The following ZSWIM4 variants were observed in gnomAD, a reference collection of about 807,000 sequenced individuals.
The protein encoded by ZSWIM4 is zinc finger SWIM domain-containing protein 4.
ZSWIM4 carries 62 observed loss-of-function variants against 102.5 expected under a neutral mutation model. That is an observed-to-expected ratio of 0.60 (90% CI 0.49 to 0.75). The LOEUF (loss-of-function observed/expected upper bound fraction) is 0.75. Among genes scored for constraint, ZSWIM4 ranks in the 30% least tolerant of loss-of-function variants. The pLI is 0.00. For synonymous variants in ZSWIM4, 652 were observed against 674.5 expected, an observed-to-expected ratio of 0.97 and a Z score of 0.52; for missense variants, 1,280 against 1,529.6, an observed-to-expected ratio of 0.84 and a Z score of 2.72.
chr19:13,824,063 GGA>G (rs146415972), intron 11 of ZSWIM4, among the ~76,000 whole-genome samples: 2 of 150,582 alleles, frequency 1.3e-5, no homozygotes, highest in Admixed American at 6.7e-5. Flanking sequence ...GAGGAGGCTG[GGA>G]GAGAGAGAGA....
rs1221574952 is a variant in ZSWIM4 at position 13,799,710 on chromosome 19, C to G, written c.154-10C>G. On this transcript the variant is annotated splice_polypyrimidine_tract_variant and intron_variant, in intron 1 of 13. Coordinates refer to ENST00000590508, the MANE Select transcript of ZSWIM4 (RefSeq NM_001367834.3). Reference sequence around the variant, plus strand: ...ACCCCAGGCTCCTAACCCACTGGCCCTTCCTACAGGTGGAGGAGCGGTTCT... The same window carrying G: ...ACCCCAGGCTCCTAACCCACTGGCCGTTCCTACAGGTGGAGGAGCGGTTCT... The G allele has an allele frequency of 1.2e-6, 2 of 1,613,782 alleles. No individual in the cohort carries two copies. The highest frequency in any genetic ancestry group is 8.5e-7 in the Non-Finnish European group (1 of 1,179,846).
Position 13,814,843 on chromosome 19 carries a change from G to A in ZSWIM4, c.1509G>A (p.Glu503=), listed in dbSNP as rs1389228123. The stretch of plus-strand genomic sequence containing the variant: ...GGCTGCAGCAGCGGCATCAGCTAGA[G>A]AGCTACAAGCAGCAGAAAAAAGGTC... ...TLRLQQRHQL[E]SYKQQKKELL... The change falls in exon 7 of 14, where the codon GAG becomes GAA. Residue 503 remains glutamate (E), a synonymous_variant. Coordinates refer to ENST00000590508, the MANE Select transcript of ZSWIM4 (RefSeq NM_001367834.3). The A allele has an allele frequency of 7.9e-7, 1 of 1,260,830 alleles. No individual in the cohort carries two copies. Among genetic ancestry groups the A allele is most frequent in the South Asian group, 1.3e-5 (1 of 79,792 alleles). 78.1% of individuals were successfully genotyped at this position (1,260,830 alleles called of 1,614,324 possible). A position where few individuals can be genotyped will look rare whatever the true frequency, so the allele number is the denominator to read the frequency against.
At chr19:13,807,315 T>G (rs1974944476) in intron 3 of ZSWIM4, among the ~76,000 whole-genome samples, 1 of 149,210 alleles carries the variant, frequency 6.7e-6, no homozygotes, top group African/African-American at 2.5e-5. Flanking sequence ...GTGGATGAAG[T>G]GAAATGGGGG....
At chr19:13,819,116 G>A (rs999484310) in intron 9 of ZSWIM4, among the ~76,000 whole-genome samples, 12 of 151,840 alleles carry the variant, frequency 7.9e-5, no homozygotes, top group South Asian at 2.1e-4. Context: ...CGCCAGCCTC[G>A]GCCTCCCAAA....
intron 7 of ZSWIM4, among the ~76,000 whole-genome samples, chr19:13,816,431 C>T (rs1482761350): frequency 6.6e-6 from 1 of 152,052 alleles, no homozygotes; most frequent in Non-Finnish European, 1.5e-5. Context: ...CAAAACCAGC[C>T]TGGCCAACAT....
chr19:13,799,131 G>T (rs540028264), intron 1 of ZSWIM4, among the ~76,000 whole-genome samples: 1 of 151,770 alleles, frequency 6.6e-6, no homozygotes, highest in African/African-American at 2.4e-5. Flanking sequence ...CCAGGCTGGA[G>T]TGCCGCTGGT....
chr19:13,819,577 C>A, intron 10 of ZSWIM4, 85 bp downstream of exon 10: 1 of 1,478,890 alleles, frequency 6.8e-7, no homozygotes. Context: ...CCCCACCCAT[C>A]CAGCCTGAAC....
chr19:13,806,049 AT>A (rs1365223741), intron 3 of ZSWIM4, among the ~76,000 whole-genome samples: 86 of 141,490 alleles, frequency 6.1e-4, no homozygotes, highest in South Asian at 6.9e-4. Context: ...GGTGGGGGAT[AT>A]TTTTTTTTTT....
intron 5 of ZSWIM4, among the ~76,000 whole-genome samples, chr19:13,812,623 C>CTTTTTTTTTTTTTTTT (rs545020943): frequency 7.7e-6 from 1 of 130,410 alleles, no homozygotes. Flanking sequence ...TCATGCCTGG[C>CTTTTTTTTTTTTTTTT]TTTTTTTTTT....
rs3745453 is a variant in ZSWIM4, at chr19:13,831,407, A to G, written c.*357A>G. On this transcript the variant is annotated 3_prime_UTR_variant, in exon 14 of 14. Coordinates refer to ENST00000590508, the MANE Select transcript of ZSWIM4 (RefSeq NM_001367834.3). ...GGGAGGCAGGACTTTCCAGAAATCG[A>G]CCCTCTAAGTCAATGTAGCACATTT... 0.34 allele frequency: 68,226 copies of G among 201,132 alleles called. 12,256 individuals carry two copies. The highest frequency in any genetic ancestry group is 0.46 in the African/African-American group (19,877 of 42,818). The allele number at this position is 201,132 out of a possible 1,614,324, so 12.5% of individuals were successfully genotyped here.
intron 10 of ZSWIM4, among the ~76,000 whole-genome samples, chr19:13,822,169 C>T (rs1009072227): frequency 4.9e-5 from 3 of 60,770 alleles, no homozygotes; most frequent in Non-Finnish European, 9.2e-5. Context: ...CACATACACA[C>T]ACACACACAC....
chr19:13,829,820 A>G lies in ZSWIM4; in HGVS notation c.2462-371A>G, dbSNP rs376934137. On this transcript the variant is annotated intron_variant, in intron 13 of 13. Transcript: ENST00000590508. ...AGCCTGGGCAACAGAGCGAGACTCCATCTCAAAAAAAAAAAAGGAAAGAGA... is the reference window on the plus strand; with the variant it reads ...AGCCTGGGCAACAGAGCGAGACTCCGTCTCAAAAAAAAAAAAGGAAAGAGA... Among the ~76,000 whole-genome samples the G allele has an allele frequency of 1.3e-4, 20 of 151,448 alleles. No individual in the cohort carries two copies. The East Asian group carries it at 1.6e-3, about 12-fold the overall frequency.
Position 13,809,267 on chromosome 19 carries a change from C to A in ZSWIM4, c.1012+47C>A. 7.7e-6 allele frequency: 12 copies of A among 1,551,906 alleles called. No homozygotes were observed. Among genetic ancestry groups the A allele is most frequent in the Non-Finnish European group, 1.0e-5 (12 of 1,150,682 alleles). On this transcript the variant is annotated intron_variant, in intron 5 of 13. Transcript: ENST00000590508. The surrounding 1 kb of genome is among the most constrained non-coding windows in gnomAD (Gnocchi z 4.2). Reference sequence around the variant, plus strand: ...GTGGTGGACACCGGGACTTCGGCTCCCATGGGGGCTGGCCCACTCCAAGAT... The same window carrying A: ...GTGGTGGACACCGGGACTTCGGCTCACATGGGGGCTGGCCCACTCCAAGAT...
At chr19:13,813,247 C>T in intron 6 of ZSWIM4, 83 bp downstream of exon 6, 1 of 1,208,094 alleles carries the variant, frequency 8.3e-7, no homozygotes, top group East Asian at 2.6e-5. Context: ...GTCCTCTTCC[C>T]AGGAGAGAGA....
intron 11 of ZSWIM4, 75 bp downstream of exon 11, chr19:13,823,575 C>T (rs544539056): frequency 6.7e-7 from 1 of 1,495,832 alleles, no homozygotes; most frequent in East Asian, 2.5e-5. Flanking sequence ...CTTAACTTTC[C>T]TGCCTCCTCT....
intron 3 of ZSWIM4, among the ~76,000 whole-genome samples, chr19:13,805,900 G>A (rs1412759166): frequency 6.6e-6 from 1 of 151,028 alleles, no homozygotes; most frequent in Non-Finnish European, 1.5e-5. Context: ...GAACCCGGGA[G>A]GCAGAGGTTG....
chr19:13,815,201 G>A (rs1975238782), intron 7 of ZSWIM4: 1 of 153,996 alleles, frequency 6.5e-6, no homozygotes, highest in African/African-American at 2.4e-5. Context: ...TGTTGCCCAG[G>A]TTGGAGTGCA....
intron 12 of ZSWIM4, 104 bp from the exon 13 acceptor site, chr19:13,828,541 G>T: frequency 1.0e-6 from 1 of 954,316 alleles, no homozygotes; most frequent in Non-Finnish European, 1.7e-6. Context: ...CATTGGATCA[G>T]CTTTAACCTC....
chr19:13,800,071 T>A (rs922280134), intron 2 of ZSWIM4, 150 bp downstream of exon 2: 1 of 712,164 alleles, frequency 1.4e-6, no homozygotes, highest in Non-Finnish European at 2.2e-6. Flanking sequence ...CAAGATTTTT[T>A]TTTTTTTTTT....
Sources: gnomAD v4.1 joint callset for allele counts (sites outside exome capture counted in the v4.1 genomes callset) on GRCh38, gnomAD v4.1.1 for gene constraint, Gnocchi (gnomAD v3.1) non-coding constraint, MANE v1.5 for transcripts, NCBI Gene and HGNC (gene_info 2026-07-23, HGNC 2026-07-21) for gene names.